The following ADCY5 variants were observed in gnomAD, a reference collection of about 807,000 sequenced individuals.
ADCY5 encodes the protein adenylate cyclase type 5.
Under a neutral mutation model 119.7 loss-of-function variants are expected in ADCY5, and 30 were observed. The ratio of observed to expected loss-of-function variants is 0.25; its 90% CI spans 0.19 to 0.34. The LOEUF is 0.34. Among genes scored for constraint, ADCY5 ranks in the 10% least tolerant of loss-of-function variants. The pLI, the probability that ADCY5 is intolerant of heterozygous loss-of-function variation, is 1.00. For missense variants in ADCY5, 1,324 were observed against 1,775.2 expected (o/e 0.75, Z 4.57); for synonymous variants, 753 against 762.2 (o/e 0.99, Z 0.20).
At chr3:123,339,107 G>T (rs1214013689) in intron 3 of ADCY5, among the ~76,000 whole-genome samples, 8 of 152,196 alleles carry the variant, frequency 5.3e-5, no homozygotes, top group Non-Finnish European at 1.0e-4. Flanking sequence ...AGGAAGTTGG[G>T]AGCTGAAGGT....
At chr3:123,400,371 A>G (rs1277335901) in intron 1 of ADCY5, among the ~76,000 whole-genome samples, 2 of 152,210 alleles carry the variant, frequency 1.3e-5, no homozygotes, top group Admixed American at 6.5e-5. Context: ...CAATTTGGCA[A>G]TATGTGTCAA....
chr3:123,381,906 C>T (rs1944044568), intron 1 of ADCY5, among the ~76,000 whole-genome samples: 1 of 152,180 alleles, frequency 6.6e-6, no homozygotes, highest in Non-Finnish European at 1.5e-5. Context: ...TCACATCACC[C>T]CTCTGCTTAA....
Position 123,416,484 on chromosome 3 carries a change from A to C in ADCY5, c.1134+30928T>G, listed in dbSNP as rs957904478. ...GAGGCTCTAAGGCACTGAAGGACGC[A>C]GAACAAGTCTCTCATAGAAACTGGT... On this transcript the variant is annotated intron_variant, in intron 1 of 20. Coordinates refer to ENST00000462833, the MANE Select transcript of ADCY5 (RefSeq NM_183357.3). 3 of 691,114 alleles carry C rather than the reference A, an allele frequency of 4.3e-6. No homozygotes were observed. In the African/African-American group the frequency reaches 5.4e-5, roughly 12 times the overall value. The allele number at this position is 691,114 out of a possible 1,614,324, so 42.8% of individuals were successfully genotyped here.
intron 1 of ADCY5, among the ~76,000 whole-genome samples, chr3:123,395,979 G>GGAAAGAAAGAAAGAAAGA (rs533201747): frequency 9.0e-6 from 1 of 111,144 alleles, no homozygotes; most frequent in East Asian, 2.6e-4. Context: ...AAGAAAGGAA[G>GGAAAGAAAGAAAGAAAGA]GAAAGAAAGA....
In ADCY5 at chr3:123,296,159, G is replaced by C. The variant is rs751717928; in HGVS notation, c.2988C>G (p.Val996=). 6.2e-7 allele frequency: 1 copy of C among 1,613,908 alleles called. No individual in the cohort carries two copies. Among genetic ancestry groups the C allele is most frequent in the African/African-American group, 1.3e-5 (1 of 74,906 alleles). Residue 996 remains valine (V), a synonymous_variant, in exon 17 of 21, where the codon GTC becomes GTG. Coordinates refer to ENST00000462833, the MANE Select transcript of ADCY5 (RefSeq NM_183357.3). ...LKVVTPIIIS[V]FVLALYLHAQ... ...CGTGCAGGTACAGGGCCAGCACAAA[G>C]ACTGAGATGATGATGGGCGTCACCA...
intron 5 of ADCY5, among the ~76,000 whole-genome samples, chr3:123,329,078 C>A (rs1941638755): frequency 6.6e-6 from 1 of 152,206 alleles, no homozygotes; most frequent in Admixed American, 6.5e-5. Flanking sequence ...CAGGAGGGCA[C>A]CTCTGGCCAG....
intron 16 of ADCY5, 154 bp downstream of exon 16, chr3:123,297,199 T>G: frequency 7.4e-7 from 1 of 1,357,726 alleles, no homozygotes; most frequent in Non-Finnish European, 1.0e-6. Flanking sequence ...GACGCCTTGC[T>G]ACCCCAGGAG....
At chr3:123,322,369 T>A (rs1185386704) in intron 8 of ADCY5, among the ~76,000 whole-genome samples, 1 of 152,226 alleles carries the variant, frequency 6.6e-6, no homozygotes, top group East Asian at 1.9e-4. Context: ...GGTCACCTGC[T>A]GAGGCTGGTG....
intron 12 of ADCY5, among the ~76,000 whole-genome samples, chr3:123,311,432 G>A (rs1469371555): frequency 6.6e-6 from 1 of 152,220 alleles, no homozygotes; most frequent in African/African-American, 2.4e-5. Context: ...CATGCACATG[G>A]CAGGAGGTAG....
intron 9 of ADCY5, among the ~76,000 whole-genome samples, chr3:123,320,533 C>T (rs1307203894): frequency 6.6e-6 from 1 of 152,210 alleles, no homozygotes; most frequent in Non-Finnish European, 1.5e-5. Flanking sequence ...TGCTGAGGCT[C>T]TGTCCTTCTG....
intron 1 of ADCY5, among the ~76,000 whole-genome samples, chr3:123,426,537 G>A (rs1467016031): frequency 6.6e-6 from 1 of 152,004 alleles, no homozygotes; most frequent in Non-Finnish European, 1.5e-5. Context: ...CATTGGCGCA[G>A]GCTGGTCTCA....
chr3:123,383,339 T>C (rs1349401642), intron 1 of ADCY5, among the ~76,000 whole-genome samples: 1 of 152,162 alleles, frequency 6.6e-6, no homozygotes, highest in Non-Finnish European at 1.5e-5. Context: ...ACAGCTGCCC[T>C]CCTCGCCTCC....
chr3:123,341,471 T>C (rs1428102021), intron 3 of ADCY5, among the ~76,000 whole-genome samples: 1 of 151,820 alleles, frequency 6.6e-6, no homozygotes, highest in African/African-American at 2.4e-5. Context: ...TTCCAGGAGC[T>C]TGGGGGAGGG....
chr3:123,342,015 C>A (rs775907973), intron 3 of ADCY5, among the ~76,000 whole-genome samples: 55 of 152,252 alleles, frequency 3.6e-4, no homozygotes, highest in Non-Finnish European at 5.0e-4. Flanking sequence ...ACCTCAGGCT[C>A]CTGGGCCCCA....
At position 123,385,284 on chromosome 3, in the gene ADCY5, G is replaced by GACAC. The variant is rs146450872; in HGVS notation, c.1135-32707_1135-32704dup. ...CTAGGGGCAAAAAATGTCCACTGCA[G>GACAC]ACACACACGCACACACACACACACA... On this transcript the variant is annotated intron_variant, in intron 1 of 20. Coordinates refer to ENST00000462833, the MANE Select transcript of ADCY5 (RefSeq NM_183357.3). Among the ~76,000 whole-genome samples, 302 of 142,104 alleles carry GACAC rather than the reference G, an allele frequency of 2.1e-3. 2 individuals carry two copies. The highest frequency in any genetic ancestry group is 0.015 in the East Asian group (70 of 4,518). The allele number at this position is 142,104 out of a possible 152,430, so 93.2% of individuals were successfully genotyped here.
At chr3:123,425,828 A>G (rs1428688232) in intron 1 of ADCY5, among the ~76,000 whole-genome samples, 1 of 152,156 alleles carries the variant, frequency 6.6e-6, no homozygotes, top group Non-Finnish European at 1.5e-5. Flanking sequence ...GGTAGCCAGC[A>G]GCCAGAATAA....
At chr3:123,430,928 A>G (rs769058631) in intron 1 of ADCY5, among the ~76,000 whole-genome samples, 1 of 152,216 alleles carries the variant, frequency 6.6e-6, no homozygotes, top group Non-Finnish European at 1.5e-5. Context: ...CTGTCCACAC[A>G]GTGGACAGGA....
intron 1 of ADCY5, among the ~76,000 whole-genome samples, chr3:123,422,315 C>A (rs1945317461): frequency 1.3e-5 from 2 of 152,166 alleles, no homozygotes; most frequent in Non-Finnish European, 2.9e-5. Context: ...AGGAGCTAGT[C>A]ATTTAGTAGA....
intron 1 of ADCY5, among the ~76,000 whole-genome samples, chr3:123,420,560 G>A (rs934266092): frequency 3.3e-5 from 5 of 152,092 alleles, no homozygotes; most frequent in Non-Finnish European, 5.9e-5. Context: ...TCTCCTACAC[G>A]GCCAAGAGCC....
Sources: gnomAD v4.1 joint callset for allele counts (sites outside exome capture counted in the v4.1 genomes callset) on GRCh38, gnomAD v4.1.1 for gene constraint, MANE v1.5 for transcripts, NCBI Gene and HGNC (gene_info 2026-07-23, HGNC 2026-07-21) for gene names.